FSTL4: variants seen among roughly 807,000 people sequenced by gnomAD.
The protein encoded by FSTL4 is follistatin-related protein 4.
A neutral mutation model predicts 78.2 loss-of-function variants in FSTL4; 28 were observed. That is an observed-to-expected ratio of 0.36 (90% CI 0.27 to 0.49). The LOEUF is 0.49. Among genes scored for constraint, FSTL4 ranks in the 20% least tolerant of loss-of-function variants. The pLI is 0.98. For missense variants in FSTL4, 922 were observed against 1,084.9 expected (o/e 0.85, Z 2.11); for synonymous variants, 422 against 440.5 (o/e 0.96, Z 0.53).
chr5:133,360,090 T>G (rs1013603884), intron 4 of FSTL4, among the ~76,000 whole-genome samples: 2 of 152,238 alleles, frequency 1.3e-5, no homozygotes, highest in African/African-American at 4.8e-5. Context: ...CAGCGTGGCC[T>G]CCCTTCCCTG....
chr5:133,639,545 G>A, the FSTL4 span, among the ~76,000 whole-genome samples: 2 of 152,174 alleles, frequency 1.3e-5, no homozygotes, highest in Non-Finnish European at 2.9e-5. Flanking sequence ...AGCTTGCCTT[G>A]CTTCCAAAGC....
intron 4 of FSTL4, among the ~76,000 whole-genome samples, chr5:133,362,351 C>T (rs760398982): frequency 1.6e-4 from 25 of 152,118 alleles, no homozygotes; most frequent in African/African-American, 5.6e-4. Flanking sequence ...CTATAATTTT[C>T]GTTTCAGGGC....
At chr5:133,589,592 G>A (rs1293675662) in intron 2 of FSTL4, among the ~76,000 whole-genome samples, 1 of 151,990 alleles carries the variant, frequency 6.6e-6, no homozygotes, top group Non-Finnish European at 1.5e-5. Context: ...TGGGGAGGAG[G>A]GGGAATAGGG....
the FSTL4 span, among the ~76,000 whole-genome samples, chr5:133,811,232 C>T: frequency 1.3e-5 from 2 of 152,104 alleles, no homozygotes; most frequent in Non-Finnish European, 2.9e-5. Flanking sequence ...TACCCTAGAC[C>T]TCTTCATAAT....
intron 4 of FSTL4, among the ~76,000 whole-genome samples, chr5:133,385,879 G>A (rs1755687462): frequency 6.6e-6 from 1 of 152,148 alleles, no homozygotes; most frequent in Admixed American, 6.5e-5. Flanking sequence ...GAACACAAGT[G>A]AGAGTGCAGG....
At chr5:133,385,637 C>T (rs1040127041) in intron 4 of FSTL4, among the ~76,000 whole-genome samples, 2 of 152,196 alleles carry the variant, frequency 1.3e-5, no homozygotes, top group Admixed American at 6.5e-5. Context: ...ACATAGTCCC[C>T]GGCTTTTTGC....
intron 4 of FSTL4, among the ~76,000 whole-genome samples, chr5:133,381,559 C>T (rs770627099): frequency 2.0e-5 from 3 of 152,112 alleles, no homozygotes; most frequent in Non-Finnish European, 2.9e-5. Flanking sequence ...GGGAGGAGGA[C>T]GTTGAGTAGG....
At chr5:133,385,485 C>T (rs893394514) in intron 4 of FSTL4, among the ~76,000 whole-genome samples, 13 of 152,296 alleles carry the variant, frequency 8.5e-5, no homozygotes, top group African/African-American at 3.1e-4. Flanking sequence ...TCCAAGACTG[C>T]CATCTCGGGC....
intron 4 of FSTL4, among the ~76,000 whole-genome samples, chr5:133,350,287 T>A (rs929109448): frequency 2.0e-5 from 3 of 152,264 alleles, no homozygotes; most frequent in Admixed American, 2.0e-4. Context: ...TGTCATACAC[T>A]TACCAAGAGT....
chr5:133,597,811 C>T (rs1760768499), intron 2 of FSTL4, among the ~76,000 whole-genome samples: 1 of 152,154 alleles, frequency 6.6e-6, no homozygotes, highest in African/African-American at 2.4e-5. Context: ...GCTGGCTGGG[C>T]CTAGGGACAG....
chr5:133,355,162 T>C (rs1754914757), intron 4 of FSTL4, among the ~76,000 whole-genome samples: 1 of 152,254 alleles, frequency 6.6e-6, no homozygotes, highest in Non-Finnish European at 1.5e-5. Context: ...GCCAGCCACC[T>C]GTGCTAGACG....
At chr5:133,693,792 C>T in the FSTL4 span, among the ~76,000 whole-genome samples, 1 of 152,196 alleles carries the variant, frequency 6.6e-6, no homozygotes. Context: ...AGGTTGGAGA[C>T]CCTGGAGTTC....
At chr5:133,555,947 G>T (rs963393550) in intron 3 of FSTL4, among the ~76,000 whole-genome samples, 1 of 152,094 alleles carries the variant, frequency 6.6e-6, no homozygotes, top group African/African-American at 2.4e-5. Context: ...CCCCCACAAC[G>T]CATTGCCCAG....
chr5:133,247,280 T>A (rs1370646596), intron 7 of FSTL4: 1 of 152,176 alleles, frequency 6.6e-6, no homozygotes, highest in East Asian at 1.9e-4. Flanking sequence ...TTACCCAAAT[T>A]GCTAACCTTA....
At chr5:133,370,073 A>G (rs568706977) in intron 4 of FSTL4, among the ~76,000 whole-genome samples, 2 of 152,140 alleles carry the variant, frequency 1.3e-5, no homozygotes, top group South Asian at 4.2e-4. Context: ...CTTCCTGGCC[A>G]CCCAGCTCTT....
intron 4 of FSTL4, among the ~76,000 whole-genome samples, chr5:133,354,481 GGA>G (rs1754900487): frequency 6.6e-6 from 1 of 152,218 alleles, no homozygotes; most frequent in Non-Finnish European, 1.5e-5. Flanking sequence ...AGGACATCCT[GGA>G]GAGCCTTGGT....
At chr5:133,315,449 T>C (rs1369921847) in intron 5 of FSTL4, among the ~76,000 whole-genome samples, 3 of 152,234 alleles carry the variant, frequency 2.0e-5, no homozygotes, top group Non-Finnish European at 4.4e-5. Context: ...CATGGCTCAA[T>C]GAATGTTAGG....
chr5:133,644,312 G>A, the FSTL4 span, among the ~76,000 whole-genome samples: 491 of 151,818 alleles, frequency 3.2e-3, 6 homozygotes, highest in African/African-American at 0.011. Context: ...TTTTTTGTGT[G>A]TGTTTTTTTT....
At chr5:133,640,559 TAACATC>T in the FSTL4 span, among the ~76,000 whole-genome samples, 1 of 152,178 alleles carries the variant, frequency 6.6e-6, no homozygotes, top group Admixed American at 6.6e-5. Context: ...AGCAGGATGT[TAACATC>T]AGGAGAAATA....
Sources: gnomAD v4.1 joint callset for allele counts (sites outside exome capture counted in the v4.1 genomes callset) on GRCh38, gnomAD v4.1.1 for gene constraint, MANE v1.5 for transcripts, NCBI Gene and HGNC (gene_info 2026-07-23, HGNC 2026-07-21) for gene names.